The following TTC8 variants were observed in gnomAD, a reference collection of about 807,000 sequenced individuals.
The protein encoded by TTC8 is tetratricopeptide repeat protein 8.
Under a neutral mutation model 72.5 loss-of-function variants are expected in TTC8, and 47 were observed. That is an observed-to-expected ratio of 0.65 (90% CI 0.51 to 0.83). The LOEUF is 0.83. Among genes scored for constraint, TTC8 ranks in the 40% least tolerant of loss-of-function variants. The pLI is 0.00. For synonymous variants in TTC8, 199 were observed against 221.4 expected (o/e 0.90, Z 0.90); for missense variants, 611 against 623.2 (o/e 0.98, Z 0.21).
intron 2 of TTC8, among the ~76,000 whole-genome samples, chr14:88,838,771 C>CT (rs1423950272): frequency 1.3e-5 from 2 of 152,098 alleles, no homozygotes; most frequent in Non-Finnish European, 2.9e-5. Flanking sequence ...TAGCTTTTCC[C>CT]TTTTTTTCAT....
At chr14:88,838,209 A>T (rs1037610406) in intron 2 of TTC8, among the ~76,000 whole-genome samples, 7 of 152,146 alleles carry the variant, frequency 4.6e-5, no homozygotes, top group Admixed American at 2.0e-4. Flanking sequence ...GCTTTCCAAC[A>T]TCTATAAAAC....
intron 7 of TTC8, among the ~76,000 whole-genome samples, chr14:88,844,739 A>G (rs2094798225): frequency 6.6e-6 from 1 of 151,240 alleles, no homozygotes. Context: ...ATCTGTACAG[A>G]CATGCTCTCC....
Position 88,824,897 on chromosome 14 carries a change from T to G in TTC8, c.114+76T>G, listed in dbSNP as rs532584791. ...GTCTGGGGCATATCCCAGCCCCGGG[T>G]TGGGAGGCCGGGGAGGAAGGCCCGA... On this transcript the variant is annotated intron_variant, in intron 1 of 14. Transcript: ENST00000380656. 27 of 1,390,200 alleles carry G rather than the reference T, an allele frequency of 1.9e-5. No homozygotes were observed. In the East Asian group the frequency reaches 3.6e-4, roughly 19 times the overall value. The allele number at this position is 1,390,200 out of a possible 1,614,324, so 86.1% of individuals were successfully genotyped here.
At chr14:88,835,364 C>T (rs988813005) in intron 2 of TTC8, among the ~76,000 whole-genome samples, 1 of 152,112 alleles carries the variant, frequency 6.6e-6, no homozygotes, top group African/African-American at 2.4e-5. Context: ...ATGAGTGAGT[C>T]AATATTTTCC....
In TTC8 at chr14:88,863,056, A is replaced by G. The variant is rs187486900; in HGVS notation, c.909+1724A>G. ...CTGGAAGCATATTGATTGGAATTACATTGAGTGTGTGAATGATGGGGAGGG... is the reference window on the plus strand; with the variant it reads ...CTGGAAGCATATTGATTGGAATTACGTTGAGTGTGTGAATGATGGGGAGGG... On this transcript the variant is annotated intron_variant, in intron 10 of 14. Transcript: ENST00000380656. 1.1e-3 allele frequency among the ~76,000 whole-genome samples: 116 copies of G among 104,422 alleles called. No homozygotes were observed. The Middle Eastern group carries it at 0.031, about 28-fold the overall frequency. The allele number at this position is 104,422 out of a possible 152,430, so 68.5% of individuals were successfully genotyped here.
intron 8 of TTC8, among the ~76,000 whole-genome samples, chr14:88,856,537 G>C (rs1374807444): frequency 1.3e-5 from 2 of 152,164 alleles, no homozygotes; most frequent in African/African-American, 4.8e-5. Context: ...GTGTTTTAAT[G>C]ATTGAATTAG....
At chr14:88,846,390 C>T (rs983352823) in intron 7 of TTC8, among the ~76,000 whole-genome samples, 15 of 152,204 alleles carry the variant, frequency 9.9e-5, no homozygotes, top group African/African-American at 3.4e-4. Flanking sequence ...ACAGGAACCA[C>T]ATCATTATGT....
chr14:88,854,655 A>G (rs557453669), intron 8 of TTC8, among the ~76,000 whole-genome samples: 1 of 152,284 alleles, frequency 6.6e-6, no homozygotes, highest in African/African-American at 2.4e-5. Flanking sequence ...CCTTATACAC[A>G]TAGCCTGAAG....
intron 10 of TTC8, among the ~76,000 whole-genome samples, chr14:88,865,897 A>G (rs1161412292): frequency 6.6e-6 from 1 of 152,096 alleles, no homozygotes; most frequent in African/African-American, 2.4e-5. Context: ...TAAAGAAAAT[A>G]GAGTCAATGT....
At chr14:88,863,367 C>T (rs2094896820) in intron 10 of TTC8, among the ~76,000 whole-genome samples, 2 of 152,170 alleles carry the variant, frequency 1.3e-5, no homozygotes, top group Admixed American at 1.3e-4. Context: ...GTACAAGCTT[C>T]CAAGAGCTCC....
At chr14:88,857,333 C>T in intron 9 of TTC8, 56 bp downstream of exon 9, 2 of 1,445,372 alleles carry the variant, frequency 1.4e-6, no homozygotes, top group Non-Finnish European at 9.7e-7. Flanking sequence ...TGTTTAAATT[C>T]TGGCCATTGC....
At chr14:88,825,166 G>A (rs1439300683) in intron 1 of TTC8, among the ~76,000 whole-genome samples, 1 of 152,220 alleles carries the variant, frequency 6.6e-6, no homozygotes, top group Non-Finnish European at 1.5e-5. Flanking sequence ...TAAGCTCTCA[G>A]CGTGTGCGTT....
intron 7 of TTC8, among the ~76,000 whole-genome samples, chr14:88,845,252 A>G (rs555357236): frequency 2.6e-5 from 4 of 152,320 alleles, no homozygotes; most frequent in African/African-American, 4.8e-5. Context: ...CAAAGGAAAG[A>G]CAGACAGGTC....
chr14:88,840,744 A>T, intron 3 of TTC8, 121 bp from the exon 4 acceptor site: 1 of 934,628 alleles, frequency 1.1e-6, no homozygotes, highest in Non-Finnish European at 1.7e-6. Flanking sequence ...TCCCTAAAAT[A>T]CATTTCTTGC....
intron 13 of TTC8, 131 bp from the exon 14 acceptor site, chr14:88,874,894 AT>A: frequency 1.6e-6 from 1 of 621,648 alleles, no homozygotes. Flanking sequence ...TGTTGTCGGT[AT>A]TTATCACAGG....
intron 10 of TTC8, among the ~76,000 whole-genome samples, chr14:88,861,857 A>G (rs2094887245): frequency 6.6e-6 from 1 of 152,102 alleles, no homozygotes; most frequent in South Asian, 2.1e-4. Flanking sequence ...TTGTGTCTAT[A>G]TACCACATTT....
intron 1 of TTC8, among the ~76,000 whole-genome samples, chr14:88,825,077 G>C (rs1187566079): frequency 2.6e-5 from 4 of 152,160 alleles, no homozygotes; most frequent in Non-Finnish European, 4.4e-5. Context: ...TCCCCTATAC[G>C]TGTCCCAGAA....
At position 88,841,117 on chromosome 14, in the gene TTC8, AG is replaced by A. The variant is rs752782267; in HGVS notation, c.412del (p.Ala138LeufsTer38). 6.2e-7 allele frequency: 1 copy of A among 1,614,148 alleles called. No individual in the cohort carries two copies. The highest frequency in any genetic ancestry group is 1.1e-5 in the South Asian group (1 of 91,086). On this transcript the variant is annotated frameshift_variant, in exon 5 of 15. Transcript: ENST00000380656. LOFTEE classifies it high-confidence loss of function. ...AGTGGAAGGCCAGGCACTATGGAAC[AG>A]GCTATCAGAACACCCAGAACCGCCT... ...TQSGRPGTME[Q>X]AIRTPRTAYT...
intron 8 of TTC8, among the ~76,000 whole-genome samples, 176 bp from the exon 9 acceptor site, chr14:88,857,014 G>A (rs2094859350): frequency 6.6e-6 from 1 of 152,184 alleles, no homozygotes; most frequent in Admixed American, 6.5e-5. Flanking sequence ...GTGAATATGG[G>A]AGATAGGCAA....
Sources: gnomAD v4.1 joint callset for allele counts (sites outside exome capture counted in the v4.1 genomes callset) on GRCh38, gnomAD v4.1.1 for gene constraint, MANE v1.5 for transcripts, NCBI Gene and HGNC (gene_info 2026-07-23, HGNC 2026-07-21) for gene names.